SVOP: variants seen among roughly 807,000 people sequenced by gnomAD.
SVOP encodes the protein synaptic vesicle 2-related protein.
Under a neutral mutation model 69.1 loss-of-function variants are expected in SVOP, and 17 were observed. The ratio of observed to expected loss-of-function variants is 0.25; its 90% CI spans 0.17 to 0.37. The LOEUF is 0.37. Ranked by LOEUF, SVOP falls within the 10% of genes least tolerant of loss-of-function variation. The pLI is 1.00. For synonymous variants in SVOP, 238 were observed against 238.6 expected (o/e 1.00, Z 0.02); for missense variants, 435 against 597.5 (o/e 0.73, Z 2.84).
At chr12:108,916,939 G>T (rs549564935) in intron 14 of SVOP, among the ~76,000 whole-genome samples, 1 of 152,286 alleles carries the variant, frequency 6.6e-6, no homozygotes, top group South Asian at 2.1e-4. Flanking sequence ...TAGGGATGAG[G>T]TTTCACCATG....
At chr12:108,967,652 G>C (rs1566059295) in intron 5 of SVOP, among the ~76,000 whole-genome samples, 1 of 152,158 alleles carries the variant, frequency 6.6e-6, no homozygotes, top group Non-Finnish European at 1.5e-5. Context: ...CTCAACCTCA[G>C]CACCGCCAAC....
chr12:109,019,471 A>G (rs921593260), intron 1 of SVOP, among the ~76,000 whole-genome samples: 1 of 152,152 alleles, frequency 6.6e-6, no homozygotes, highest in Non-Finnish European at 1.5e-5. Context: ...TCTAATTCTG[A>G]GTACCAAAGT....
At chr12:109,006,473 G>A (rs1182196263) in intron 1 of SVOP, among the ~76,000 whole-genome samples, 1 of 152,106 alleles carries the variant, frequency 6.6e-6, no homozygotes, top group Non-Finnish European at 1.5e-5. Context: ...AAGAAGAAGG[G>A]GCATGCCACA....
chr12:108,916,630 C>T (rs182879604), intron 14 of SVOP, among the ~76,000 whole-genome samples: 228 of 152,324 alleles, frequency 1.5e-3, no homozygotes, highest in South Asian at 6.2e-3. Context: ...GGGCAAGATC[C>T]CTGGATAAGA....
chr12:108,920,182 A>T (rs1243701031), intron 12 of SVOP, among the ~76,000 whole-genome samples: 23 of 152,240 alleles, frequency 1.5e-4, no homozygotes, highest in Admixed American at 1.5e-3. Context: ...GAGCTTTCAG[A>T]TGAGACTACA....
At chr12:108,994,854 C>T (rs1237927114) in intron 1 of SVOP, among the ~76,000 whole-genome samples, 4 of 152,118 alleles carry the variant, frequency 2.6e-5, no homozygotes, top group African/African-American at 9.7e-5. Flanking sequence ...AATGTTTTTA[C>T]AGCCATGCAG....
In SVOP at chr12:108,978,350, C is replaced by T. The variant is rs2040118271; in HGVS notation, c.282+228G>A. On this transcript the variant is annotated intron_variant, in intron 3 of 15. Transcript: ENST00000610966. ...AAAGAGTTGAAAGCCACCTAATTAG[C>T]TAGAAAGTTCAACTCCTTCTTGGGG... 8.2e-6 allele frequency: 4 copies of T among 486,106 alleles called. No homozygotes were observed. In the South Asian group the frequency reaches 9.0e-5, roughly 11 times the overall value. The allele number at this position is 486,106 out of a possible 1,614,324, so 30.1% of individuals were successfully genotyped here.
At chr12:108,936,753 G>A (rs2039858469) in intron 10 of SVOP, among the ~76,000 whole-genome samples, 1 of 152,154 alleles carries the variant, frequency 6.6e-6, no homozygotes, top group African/African-American at 2.4e-5. Context: ...TTGGGATTAT[G>A]GGCATGAGCC....
chr12:108,926,992 C>G (rs2039784152), intron 11 of SVOP, among the ~76,000 whole-genome samples: 1 of 152,214 alleles, frequency 6.6e-6, no homozygotes, highest in South Asian at 2.1e-4. Context: ...TTGCTTATGG[C>G]TTTCGAAGAT....
chr12:108,919,457 A>G (rs564277988), intron 13 of SVOP, among the ~76,000 whole-genome samples: 2 of 144,336 alleles, frequency 1.4e-5, no homozygotes, highest in African/African-American at 5.2e-5. Flanking sequence ...GGGTCTATAC[A>G]CACACCTGGG....
In SVOP at chr12:108,976,256, C is replaced by T. The variant is rs146520720; in HGVS notation, c.381+1142G>A. On this transcript the variant is annotated intron_variant, in intron 4 of 15. Transcript: ENST00000610966. ...AAACTCTTCCCACTGAGCTACACAACCTTATTGCTAATATCAGACTGGGCC... is the reference window on the plus strand; with the variant it reads ...AAACTCTTCCCACTGAGCTACACAATCTTATTGCTAATATCAGACTGGGCC... Among the ~76,000 whole-genome samples the T allele has an allele frequency of 2.9e-4, 44 of 152,248 alleles. No individual in the cohort carries two copies. The East Asian group carries it at 8.1e-3, about 28-fold the overall frequency.
intron 5 of SVOP, among the ~76,000 whole-genome samples, chr12:108,965,553 C>A (rs1407237015): frequency 6.6e-6 from 1 of 152,134 alleles, no homozygotes; most frequent in Non-Finnish European, 1.5e-5. Flanking sequence ...CCAAAAAACA[C>A]ATAACTTTAT....
At chr12:108,964,056 T>C (rs2040031817) in intron 5 of SVOP, among the ~76,000 whole-genome samples, 1 of 152,072 alleles carries the variant, frequency 6.6e-6, no homozygotes, top group Admixed American at 6.6e-5. Flanking sequence ...CAATTTGATA[T>C]AAAGAAAGTT....
intron 11 of SVOP, among the ~76,000 whole-genome samples, chr12:108,931,571 C>A (rs1002786002): frequency 1.3e-5 from 2 of 152,152 alleles, no homozygotes; most frequent in Non-Finnish European, 2.9e-5. Context: ...TGGTGGCTCA[C>A]GCCTGTAATC....
At chr12:108,994,207 T>C (rs567569615) in intron 1 of SVOP, among the ~76,000 whole-genome samples, 1 of 152,298 alleles carries the variant, frequency 6.6e-6, no homozygotes, top group South Asian at 2.1e-4. Context: ...TCTTGGCTGA[T>C]ACGGGGCAAG....
intron 1 of SVOP, among the ~76,000 whole-genome samples, chr12:109,005,534 C>T (rs1245289974): frequency 6.6e-6 from 1 of 152,044 alleles, no homozygotes; most frequent in Non-Finnish European, 1.5e-5. Flanking sequence ...CTCTGGTTGG[C>T]AAGGTGGTTA....
At position 108,998,895 on chromosome 12, in the gene SVOP, T is replaced by A. The variant is rs551989769; in HGVS notation, c.36-15134A>T. ...AAGACCACCGAGACTAGGAAGAAAC[T>A]GCATCAACTAACAAGCAAAATCACC... On this transcript the variant is annotated intron_variant, in intron 1 of 15. Transcript: ENST00000610966. Among the ~76,000 whole-genome samples the A allele has an allele frequency of 2.6e-3, 383 of 147,602 alleles. 3 individuals carry two copies. The highest frequency in any genetic ancestry group is 9.0e-3 in the African/African-American group (359 of 39,932).
intron 10 of SVOP, among the ~76,000 whole-genome samples, chr12:108,935,981 G>C (rs2039853865): frequency 6.6e-6 from 1 of 151,626 alleles, no homozygotes; most frequent in South Asian, 2.1e-4. Context: ...TGGTACCCAA[G>C]GGGCAATGTG....
chr12:108,995,973 CATACATACATACACACACATACAT>C (rs1161848534), intron 1 of SVOP, among the ~76,000 whole-genome samples: 5 of 151,678 alleles, frequency 3.3e-5, no homozygotes, highest in Admixed American at 2.0e-4. Flanking sequence ...CACACACACA[CATACATACATACACACACATACAT>C]ACATACATAC....
Sources: allele counts gnomAD v4.1 joint callset (sites outside exome capture counted in the v4.1 genomes callset), GRCh38; gene constraint gnomAD v4.1.1; transcripts MANE v1.5; gene names NCBI Gene and HGNC (gene_info 2026-07-23, HGNC 2026-07-21).